Variants in TACR1 observed in about 807,000 individuals in gnomAD.
The protein encoded by TACR1 is substance-P receptor.
TACR1 carries 25 observed loss-of-function variants against 35.8 expected under a neutral mutation model. That is an observed-to-expected ratio of 0.70 (90% CI 0.51 to 0.98). The LOEUF (loss-of-function observed/expected upper bound fraction) is 0.98. TACR1 is among the 50% of genes least tolerant of loss of function. The probability of loss-of-function intolerance (pLI) is 0.00; values close to 1 mark genes in which losing one functional copy is unlikely to be tolerated. For synonymous variants in TACR1, 195 were observed against 206.7 expected (o/e 0.94, Z 0.48); for missense variants, 478 against 522.9 (o/e 0.91, Z 0.84).
intron 2 of TACR1, among the ~76,000 whole-genome samples, chr2:75,105,241 G>T (rs2103878480): frequency 6.6e-6 from 1 of 152,194 alleles, no homozygotes; most frequent in Admixed American, 6.5e-5. Context: ...CAACATGGAT[G>T]AACCCAGAGG....
chr2:75,079,373 C>T (rs1309758664), intron 2 of TACR1, among the ~76,000 whole-genome samples: 2 of 152,180 alleles, frequency 1.3e-5, no homozygotes, highest in Non-Finnish European at 2.9e-5. Context: ...CTTCCCCATT[C>T]GTGCCAGATT....
intron 1 of TACR1, among the ~76,000 whole-genome samples, chr2:75,159,221 G>A (rs988768021): frequency 6.6e-5 from 10 of 151,984 alleles, no homozygotes; most frequent in African/African-American, 2.2e-4. Context: ...CCTCAGTTAC[G>A]TTATTTAAAG....
chr2:75,170,729 A>C (rs140612843), intron 1 of TACR1, among the ~76,000 whole-genome samples: 316 of 152,282 alleles, frequency 2.1e-3, no homozygotes, highest in African/African-American at 7.3e-3. Flanking sequence ...GGTGGCTCTT[A>C]TTATGTTTTA....
At chr2:75,069,979 A>C (rs1241358866) in intron 2 of TACR1, among the ~76,000 whole-genome samples, 1 of 151,998 alleles carries the variant, frequency 6.6e-6, no homozygotes, top group Non-Finnish European at 1.5e-5. Context: ...ATGAGGAGTC[A>C]TGCTCCTCCC....
intron 2 of TACR1, among the ~76,000 whole-genome samples, chr2:75,113,482 A>G (rs140199288): frequency 1.3e-5 from 2 of 149,658 alleles, no homozygotes; most frequent in Admixed American, 1.3e-4. Context: ...TTGTGTGGCA[A>G]CCTTCCTAGT....
chr2:75,082,819 A>G (rs1572918672), intron 2 of TACR1, among the ~76,000 whole-genome samples: 1 of 150,254 alleles, frequency 6.7e-6, no homozygotes, highest in East Asian at 1.9e-4. Context: ...TAGATTCTGG[A>G]TATTAGCCCT....
intron 2 of TACR1, among the ~76,000 whole-genome samples, chr2:75,112,350 C>T (rs998943502): frequency 4.0e-5 from 6 of 151,896 alleles, no homozygotes; most frequent in Non-Finnish European, 8.8e-5. Flanking sequence ...GAGTTTTATC[C>T]ATTAACTCTT....
intron 1 of TACR1, among the ~76,000 whole-genome samples, chr2:75,161,478 A>G (rs530521813): frequency 1.3e-5 from 2 of 152,270 alleles, no homozygotes; most frequent in Admixed American, 1.3e-4. Flanking sequence ...TCACAGAGGT[A>G]CAATCAATAC....
At chr2:75,150,022 G>T (rs1269356876) in intron 1 of TACR1, among the ~76,000 whole-genome samples, 1 of 152,142 alleles carries the variant, frequency 6.6e-6, no homozygotes, top group Non-Finnish European at 1.5e-5. Context: ...CACTGGTTCC[G>T]TTTATGTGAT....
intron 2 of TACR1, among the ~76,000 whole-genome samples, chr2:75,102,721 A>G (rs187211761): frequency 1.4e-4 from 21 of 152,264 alleles, no homozygotes; most frequent in Admixed American, 2.6e-4. Context: ...TTTATACCCA[A>G]TCAAGCAGCC....
chr2:75,054,380 T>A (rs1232255712), intron 2 of TACR1, among the ~76,000 whole-genome samples: 1 of 152,202 alleles, frequency 6.6e-6, no homozygotes, highest in African/African-American at 2.4e-5. Context: ...CTAGAATTAG[T>A]GGGTGGGTGA....
intron 1 of TACR1, chr2:75,187,154 T>A (rs916198740): frequency 4.6e-5 from 7 of 152,308 alleles, no homozygotes; most frequent in Non-Finnish European, 1.0e-4. Flanking sequence ...CTGGACTGGC[T>A]GAGAATATAT....
chr2:75,121,683 C>G (rs989075739), intron 1 of TACR1, among the ~76,000 whole-genome samples: 3 of 152,218 alleles, frequency 2.0e-5, no homozygotes, highest in Non-Finnish European at 4.4e-5. Flanking sequence ...AAAGACATCT[C>G]TCTCTGCATA....
chr2:75,187,411 C>G (rs1394927980), intron 1 of TACR1: 3 of 151,990 alleles, frequency 2.0e-5, no homozygotes, highest in Non-Finnish European at 4.4e-5. Context: ...GGTGGTATAC[C>G]TGGGACTATT....
In TACR1 at chr2:75,138,006, A is replaced by G. The variant is rs138082896; in HGVS notation, c.390-17238T>C. ...CATCCAAGACAGCTTAATAGCTTCA[A>G]TGGATAAAACGGCACTGACTCAGAA... On this transcript the variant is annotated intron_variant, in intron 1 of 4. Coordinates refer to ENST00000305249, the MANE Select transcript of TACR1 (RefSeq NM_001058.4). 2.1e-3 allele frequency among the ~76,000 whole-genome samples: 318 copies of G among 152,336 alleles called. 2 individuals are homozygous for G. The highest frequency in any genetic ancestry group is 7.3e-3 in the African/African-American group (305 of 41,588).
At chr2:75,133,403 T>G (rs1226445924) in intron 1 of TACR1, among the ~76,000 whole-genome samples, 1 of 152,238 alleles carries the variant, frequency 6.6e-6, no homozygotes, top group East Asian at 1.9e-4. Flanking sequence ...AATGCTTCTC[T>G]TTGACTTCAG....
chr2:75,094,859 A>ATATATATATATATATATATTTTTTT, intron 2 of TACR1, among the ~76,000 whole-genome samples: 1 of 113,108 alleles, frequency 8.8e-6, no homozygotes, highest in African/African-American at 4.8e-5. Flanking sequence ...ATATATATAT[A>ATATATATATATATATATATTTTTTT]TTTTTTTTTT....
chr2:75,143,468 C>G (rs1674448554), intron 1 of TACR1, among the ~76,000 whole-genome samples: 1 of 149,476 alleles, frequency 6.7e-6, no homozygotes, highest in Non-Finnish European at 1.5e-5. Flanking sequence ...AGTATTGGCA[C>G]TATTTTGCAT....
At chr2:75,194,718 A>G (rs1389079401) in intron 1 of TACR1, among the ~76,000 whole-genome samples, 2 of 152,100 alleles carry the variant, frequency 1.3e-5, no homozygotes, top group African/African-American at 4.8e-5. Context: ...CTGGGCAACT[A>G]TATTTTTTGG....
Sources: allele counts gnomAD v4.1 joint callset (sites outside exome capture counted in the v4.1 genomes callset), GRCh38; gene constraint gnomAD v4.1.1; transcripts MANE v1.5; gene names NCBI Gene and HGNC (gene_info 2026-07-23, HGNC 2026-07-21).